The following PTPRN2 variants were observed in gnomAD, a reference collection of about 807,000 sequenced individuals.
PTPRN2 encodes the protein receptor-type tyrosine-protein phosphatase N2.
Under a neutral mutation model 118.8 loss-of-function variants are expected in PTPRN2, and 74 were observed. That is an observed-to-expected ratio of 0.62 (90% confidence interval 0.52 to 0.76). The LOEUF (loss-of-function observed/expected upper bound fraction) is 0.76. Ranked by LOEUF, PTPRN2 falls within the 30% of genes least tolerant of loss-of-function variation. PTPRN2 has a pLI of 0.00. For missense variants in PTPRN2, 1,481 were observed against 1,394.4 expected, an observed-to-expected ratio of 1.06 and a Z score of -0.99; for synonymous variants, 641 against 608.0, an observed-to-expected ratio of 1.05 and a Z score of -0.80.
intron 2 of PTPRN2, among the ~76,000 whole-genome samples, chr7:158,468,571 A>G (rs1233585000): frequency 6.6e-6 from 1 of 151,788 alleles, no homozygotes; most frequent in African/African-American, 2.4e-5. Context: ...AGGTGTTTCC[A>G]GGTGTTACCA....
At chr7:158,070,954 TGGTG>T (rs1811342237) in intron 11 of PTPRN2, among the ~76,000 whole-genome samples, 1 of 113,010 alleles carries the variant, frequency 8.8e-6, no homozygotes, top group Non-Finnish European at 1.8e-5. Flanking sequence ...GTGCCCGTGG[TGGTG>T]GAGGTGCTCA....
intron 14 of PTPRN2, among the ~76,000 whole-genome samples, chr7:157,639,835 C>T (rs1468272417): frequency 6.6e-6 from 1 of 152,216 alleles, no homozygotes; most frequent in Non-Finnish European, 1.5e-5. Context: ...CGTCTGTCAC[C>T]ATATGGACTC....
chr7:158,114,701 C>T (rs879725138), intron 9 of PTPRN2, among the ~76,000 whole-genome samples: 6 of 152,190 alleles, frequency 3.9e-5, no homozygotes, highest in Non-Finnish European at 7.3e-5. Flanking sequence ...AGAGAAGCCA[C>T]CGGCCACGGC....
intron 2 of PTPRN2, among the ~76,000 whole-genome samples, chr7:158,412,958 TC>T (rs1814305253): frequency 1.9e-5 from 1 of 53,118 alleles, no homozygotes; most frequent in Admixed American, 2.0e-4. Flanking sequence ...AGGGCCCATC[TC>T]AGCACCCTCC....
chr7:158,033,380 G>C (rs1240748729), intron 11 of PTPRN2, among the ~76,000 whole-genome samples: 1 of 152,206 alleles, frequency 6.6e-6, no homozygotes, highest in African/African-American at 2.4e-5. Context: ...GGCTAGCCTT[G>C]GTCCTGTTCC....
chr7:158,171,172 A>G (rs1248993993), intron 5 of PTPRN2, among the ~76,000 whole-genome samples: 1 of 142,848 alleles, frequency 7.0e-6, no homozygotes, highest in Non-Finnish European at 1.5e-5. Context: ...ACACACATAT[A>G]TACACATATA....
chr7:158,528,857 C>T (rs1314423441), intron 1 of PTPRN2, among the ~76,000 whole-genome samples: 1 of 151,764 alleles, frequency 6.6e-6, no homozygotes, highest in Admixed American at 6.6e-5. Context: ...TCGGTGAGTC[C>T]ACAACAGGAA....
chr7:157,666,411 G>A (rs935120642), intron 13 of PTPRN2, among the ~76,000 whole-genome samples: 3 of 152,076 alleles, frequency 2.0e-5, no homozygotes, highest in South Asian at 2.1e-4. Flanking sequence ...AAAAGGGCAC[G>A]GTTTTGCAGG....
chr7:157,950,286 A>G (rs7807835), intron 11 of PTPRN2, among the ~76,000 whole-genome samples: 81,246 of 152,034 alleles, frequency 0.53, 22,801 homozygotes, highest in African/African-American at 0.69. Context: ...TGGGAAATAC[A>G]AACCCGCAGG....
chr7:157,830,832 A>G (rs1363675079), intron 12 of PTPRN2, among the ~76,000 whole-genome samples: 2 of 152,256 alleles, frequency 1.3e-5, no homozygotes, highest in East Asian at 3.8e-4. Context: ...AAAAATAAAA[A>G]GCAAGCTATT....
At chr7:158,359,930 G>A (rs1808725110) in intron 2 of PTPRN2, among the ~76,000 whole-genome samples, 1 of 152,094 alleles carries the variant, frequency 6.6e-6, no homozygotes, top group Non-Finnish European at 1.5e-5. Flanking sequence ...GCTGTGGAGA[G>A]TGAGAAGACA....
At chr7:157,932,076 A>G (rs1297401915) in intron 11 of PTPRN2, among the ~76,000 whole-genome samples, 1 of 152,178 alleles carries the variant, frequency 6.6e-6, no homozygotes, top group Non-Finnish European at 1.5e-5. Context: ...ATCTCTCTCT[A>G]TATTTATATT....
At chr7:158,552,824 A>G (rs1438888541) in intron 1 of PTPRN2, among the ~76,000 whole-genome samples, 1 of 152,228 alleles carries the variant, frequency 6.6e-6, no homozygotes, top group African/African-American at 2.4e-5. Context: ...TGCACTTGAC[A>G]TGTGCATCCA....
At chr7:158,549,329 G>A (rs929135860) in intron 1 of PTPRN2, among the ~76,000 whole-genome samples, 2 of 152,204 alleles carry the variant, frequency 1.3e-5, no homozygotes, top group South Asian at 2.1e-4. Context: ...GTCACCCCAC[G>A]TGGACGCCGT....
At chr7:157,733,973 C>T (rs867391712) in intron 12 of PTPRN2, among the ~76,000 whole-genome samples, 15 of 42,286 alleles carry the variant, frequency 3.5e-4, no homozygotes, top group East Asian at 1.5e-3. Flanking sequence ...GTTACCCTTT[C>T]CCGTCCCATG....
At chr7:158,014,154 A>T (rs1336737622) in intron 11 of PTPRN2, among the ~76,000 whole-genome samples, 3 of 137,212 alleles carry the variant, frequency 2.2e-5, no homozygotes, top group Non-Finnish European at 3.1e-5. Flanking sequence ...CCATCCACCA[A>T]CTCACCTATT....
intron 12 of PTPRN2, chr7:157,740,285 C>A (rs992561562): frequency 6.6e-6 from 1 of 152,212 alleles, no homozygotes; most frequent in African/African-American, 2.4e-5. Context: ...AGAACACTAA[C>A]CTATCAATGA....
intron 12 of PTPRN2, among the ~76,000 whole-genome samples, chr7:157,802,061 C>T (rs896030559): frequency 3.9e-5 from 6 of 152,140 alleles, no homozygotes; most frequent in Non-Finnish European, 7.3e-5. Flanking sequence ...TCTCCGACTC[C>T]GCTTCCTTCA....
chr7:157,670,581 C>G (rs539198772), intron 13 of PTPRN2, among the ~76,000 whole-genome samples: 1 of 152,164 alleles, frequency 6.6e-6, no homozygotes, highest in Non-Finnish European at 1.5e-5. Context: ...CAACCCTTCC[C>G]GTTGTCATGG....
Sources: allele counts gnomAD v4.1 joint callset (sites outside exome capture counted in the v4.1 genomes callset), GRCh38; gene constraint gnomAD v4.1.1; transcripts MANE v1.5; gene names NCBI Gene and HGNC (gene_info 2026-07-23, HGNC 2026-07-21).